NSUN3: variants seen among roughly 807,000 people sequenced by gnomAD.
NSUN3 encodes NOP2/Sun RNA methyltransferase 3, also known as tRNA (cytosine(34)-C(5))-methyltransferase, mitochondrial.
NSUN3 carries 24 observed loss-of-function variants against 36.8 expected under a neutral mutation model. The observed-to-expected ratio is 0.65, with a 90% CI of 0.47 to 0.92. The LOEUF is 0.92. Among genes scored for constraint, NSUN3 ranks in the 40% least tolerant of loss-of-function variants. The pLI is 0.00. For synonymous variants in NSUN3, 146 were observed against 145.2 expected (o/e 1.01, Z -0.04); for missense variants, 381 against 392.8 (o/e 0.97, Z 0.25).
In NSUN3 at chr3:94,064,436, G is replaced by C. The variant is rs779000133; in HGVS notation, c.13-1G>C. On this transcript the variant is annotated splice_acceptor_variant, in intron 1 of 5. Transcript: ENST00000314622. LOFTEE classifies it high-confidence loss of function. ...TCAGCAACTTTTTCTTATCGTCATA[G>C]CTGAAAGCAAAATCAGAGGGGAAGC... 1 of 1,607,474 alleles carries C rather than the reference G, an allele frequency of 6.2e-7. No individual in the cohort carries two copies. Among genetic ancestry groups the C allele is most frequent in the Non-Finnish European group, 8.5e-7 (1 of 1,174,156 alleles).
rs1245204863 is a variant in NSUN3 at position 94,131,397 on chromosome 3, C to T, written c.*4907C>T. The stretch of plus-strand genomic sequence containing the variant: ...TCTCACAGAGTGTAGGTTGTTTGAA[C>T]CCTCAAGATTATTAACTGACTTTAC... On this transcript the variant is annotated 3_prime_UTR_variant, in exon 6 of 6. Transcript: ENST00000314622. 6.6e-6 allele frequency among the ~76,000 whole-genome samples: 1 copy of T among 152,178 alleles called. No individual in the cohort carries two copies. The highest frequency in any genetic ancestry group is 1.5e-5 in the Non-Finnish European group (1 of 68,040).
At chr3:94,068,011 G>C (rs2077212019) in intron 2 of NSUN3, among the ~76,000 whole-genome samples, 1 of 152,018 alleles carries the variant, frequency 6.6e-6, no homozygotes, top group Non-Finnish European at 1.5e-5. Flanking sequence ...TGGCTATGCT[G>C]TTCTTCTGCT....
intron 3 of NSUN3, among the ~76,000 whole-genome samples, chr3:94,092,138 G>A (rs574147607): frequency 4.6e-5 from 7 of 152,258 alleles, no homozygotes; most frequent in African/African-American, 1.7e-4. Flanking sequence ...CCCAAAGTTG[G>A]TAGAAGTTAC....
chr3:94,073,797 C>T (rs1475654995), intron 2 of NSUN3, among the ~76,000 whole-genome samples: 1 of 152,092 alleles, frequency 6.6e-6, no homozygotes, highest in African/African-American at 2.4e-5. Flanking sequence ...GAAGCTCTTT[C>T]GTTTAATTAG....
chr3:94,111,283 G>A (rs909688706), intron 5 of NSUN3, among the ~76,000 whole-genome samples: 11 of 152,188 alleles, frequency 7.2e-5, no homozygotes, highest in African/African-American at 2.7e-4. Flanking sequence ...TGCTCTGGGT[G>A]AGTCAGTGAG....
chr3:94,076,995 A>C, intron 2 of NSUN3: 1 of 913,540 alleles, frequency 1.1e-6, no homozygotes, highest in Non-Finnish European at 1.8e-6. Context: ...GAATGCTGAA[A>C]TCTTTCCCTT....
At chr3:94,092,998 A>G (rs928715174) in intron 3 of NSUN3, among the ~76,000 whole-genome samples, 3 of 151,386 alleles carry the variant, frequency 2.0e-5, no homozygotes, top group African/African-American at 7.3e-5. Flanking sequence ...ACACAGAAAC[A>G]CCTCTCATGT....
intron 5 of NSUN3, among the ~76,000 whole-genome samples, chr3:94,121,322 A>G (rs906100945): frequency 6.6e-6 from 1 of 152,084 alleles, no homozygotes; most frequent in African/African-American, 2.4e-5. Context: ...CCATCATCAC[A>G]TCTTCACCAA....
At chr3:94,079,877 T>C (rs1194414039) in intron 2 of NSUN3, among the ~76,000 whole-genome samples, 2 of 152,106 alleles carry the variant, frequency 1.3e-5, no homozygotes, top group East Asian at 1.9e-4. Context: ...TAGAATATGC[T>C]CCTTTAGCTT....
chr3:94,076,912 AG>A, intron 2 of NSUN3: 1 of 1,288,390 alleles, frequency 7.8e-7, no homozygotes, highest in South Asian at 1.2e-5. Flanking sequence ...CATCATCATT[AG>A]GGAGTTGCAC....
chr3:94,095,772 A>T (rs1310656078), intron 5 of NSUN3, among the ~76,000 whole-genome samples: 2 of 152,060 alleles, frequency 1.3e-5, no homozygotes, highest in Non-Finnish European at 2.9e-5. Flanking sequence ...TTTGAGACAG[A>T]GTCTCACTCT....
intron 3 of NSUN3, among the ~76,000 whole-genome samples, chr3:94,092,092 T>C (rs1426666833): frequency 6.6e-6 from 1 of 152,240 alleles, no homozygotes; most frequent in Admixed American, 6.5e-5. Flanking sequence ...TGTCTGGTTT[T>C]TTTTAGCAGT....
At chr3:94,102,565 T>A (rs1160125630) in intron 5 of NSUN3, among the ~76,000 whole-genome samples, 1 of 152,208 alleles carries the variant, frequency 6.6e-6, no homozygotes, top group African/African-American at 2.4e-5. Context: ...CTGTTCTTTC[T>A]CCTCTGTATT....
intron 1 of NSUN3, 107 bp from the exon 2 acceptor site, chr3:94,064,330 A>G: frequency 1.5e-6 from 1 of 678,640 alleles, no homozygotes; most frequent in Non-Finnish European, 2.6e-6. Context: ...AGAACTAGTA[A>G]TTATCCAAAA....
intron 3 of NSUN3, among the ~76,000 whole-genome samples, chr3:94,086,799 G>A (rs2077294386): frequency 6.6e-6 from 1 of 152,186 alleles, no homozygotes; most frequent in South Asian, 2.1e-4. Context: ...TTGTGGAATT[G>A]TATGTTATAA....
rs769455827 is a variant in NSUN3, at chr3:94,131,340, G to A, written c.*4850G>A. On this transcript the variant is annotated 3_prime_UTR_variant, in exon 6 of 6. Coordinates refer to ENST00000314622, the MANE Select transcript of NSUN3 (RefSeq NM_022072.5). ...TAGAGCCGCGATCAAAACTGGCTCCGAGGTCCAGGCCCTTTTCCCAACACT... is the reference window on the plus strand; with the variant it reads ...TAGAGCCGCGATCAAAACTGGCTCCAAGGTCCAGGCCCTTTTCCCAACACT... Among the ~76,000 whole-genome samples, 9 of 152,078 alleles carry A rather than the reference G, an allele frequency of 5.9e-5. No homozygotes were observed. The highest frequency in any genetic ancestry group is 1.7e-4 in the African/African-American group (7 of 41,398).
chr3:94,110,419 C>T (rs2077411447), intron 5 of NSUN3, among the ~76,000 whole-genome samples: 1 of 151,660 alleles, frequency 6.6e-6, no homozygotes, highest in Non-Finnish European at 1.5e-5. Context: ...ATCTTTTCAA[C>T]CCTGTGAGGC....
chr3:94,094,189 G>A lies in NSUN3; in HGVS notation c.516G>A (p.Arg172=), dbSNP rs2077327803. The A allele has an allele frequency of 6.2e-7, 1 of 1,613,100 alleles. No homozygotes were observed. The highest frequency in any genetic ancestry group is 8.5e-7 in the Non-Finnish European group (1 of 1,179,380). Reference sequence around the variant, plus strand: ...ATAGTCTGAGATTGAGGTGGCTAAGGCAGACGTTGGAATCTTTCATCCCAC... The same window carrying A: ...ATAGTCTGAGATTGAGGTGGCTAAGACAGACGTTGGAATCTTTCATCCCAC... ...EYDSLRLRWL[R]QTLESFIPQP... is the part of the protein sequence containing the mutation. Residue 172 remains arginine (R), a synonymous_variant, in exon 4 of 6, where the codon AGG becomes AGA. Coordinates refer to ENST00000314622, the MANE Select transcript of NSUN3 (RefSeq NM_022072.5).
chr3:94,076,634 T>C, intron 2 of NSUN3: 1 of 986,990 alleles, frequency 1.0e-6, no homozygotes, highest in Non-Finnish European at 1.6e-6. Flanking sequence ...AGAAAGCCCA[T>C]AGCCTTTTTT....
Sources: gnomAD v4.1 joint callset for allele counts (sites outside exome capture counted in the v4.1 genomes callset) on GRCh38, gnomAD v4.1.1 for gene constraint, MANE v1.5 for transcripts, NCBI Gene and HGNC (gene_info 2026-07-23, HGNC 2026-07-21) for gene names.